Variants in DHRS12 observed in about 807,000 individuals in gnomAD.
The protein encoded by DHRS12 is dehydrogenase/reductase 12.
In DHRS12, 29 loss-of-function variants were observed where a neutral mutation model predicts 32.1. That is an observed-to-expected ratio of 0.90 (90% CI 0.67 to 1.23). DHRS12 has a LOEUF of 1.23. Among genes scored for constraint, DHRS12 ranks in the 50% most tolerant of loss-of-function variants. The pLI is 0.00. For missense variants in DHRS12, 330 were observed against 337.2 expected (o/e 0.98, Z 0.17); for synonymous variants, 150 against 135.9 (o/e 1.10, Z -0.72).
Position 51,777,048 on chromosome 13 carries a change from A to T in DHRS12, c.363+12T>A. On this transcript the variant is annotated intron_variant, in intron 5 of 8. Coordinates refer to ENST00000444610, the MANE Select transcript of DHRS12 (RefSeq NM_001377533.1). Reference sequence around the variant, plus strand: ...TCCATTATCCTCAAAACATCCCATAAGGTCAACTCACCACTCGGGGGTCGT... The same window carrying T: ...TCCATTATCCTCAAAACATCCCATATGGTCAACTCACCACTCGGGGGTCGT... 2.5e-6 allele frequency: 4 copies of T among 1,614,090 alleles called. No homozygotes were observed. Among genetic ancestry groups the T allele is most frequent in the Non-Finnish European group, 3.4e-6 (4 of 1,180,006 alleles).
intron 6 of DHRS12, chr13:51,772,723 A>C: frequency 1.0e-6 from 1 of 985,440 alleles, no homozygotes; most frequent in Non-Finnish European, 1.2e-6. Flanking sequence ...GCCCCATCCC[A>C]GGGTAGTTTG....
downstream of DHRS12, chr13:51,767,633 C>G (rs775854845): frequency 4.6e-5 from 7 of 153,600 alleles, no homozygotes; most frequent in African/African-American, 1.7e-4. Context: ...TACCAGAATG[C>G]CAGATGCATT....
At chr13:51,797,581 G>A (rs1200891985) in intron 2 of DHRS12, among the ~76,000 whole-genome samples, 1 of 152,190 alleles carries the variant, frequency 6.6e-6, no homozygotes, top group African/African-American at 2.4e-5. Flanking sequence ...TCTGCCTGCT[G>A]GCCTCTGCTG....
intron 4 of DHRS12, among the ~76,000 whole-genome samples, chr13:51,781,945 C>T (rs1954731882): frequency 6.6e-6 from 1 of 152,142 alleles, no homozygotes; most frequent in Non-Finnish European, 1.5e-5. Context: ...CACTACATCA[C>T]AGTGACTGCA....
intron 4 of DHRS12, among the ~76,000 whole-genome samples, chr13:51,780,178 AAAAT>A (rs57632376): frequency 1.1e-3 from 161 of 151,140 alleles, no homozygotes; most frequent in East Asian, 8.9e-3. Context: ...TTCCATCTCA[AAAAT>A]AAATAAATAA....
At chr13:51,803,893 T>G in intron 1 of DHRS12, 161 bp downstream of exon 1, 2 of 546,054 alleles carry the variant, frequency 3.7e-6, no homozygotes, top group Non-Finnish European at 5.5e-6. Flanking sequence ...CGCCCAGCCG[T>G]GGGTCGCTAG....
In DHRS12 at chr13:51,782,840, G is replaced by A. The variant is rs1179218319; in HGVS notation, c.302-5719C>T. ...TGTTTCTAAAACTCCTCAAATGAAT[G>A]TTTGTTACCAGCACACCTTTAAAAC... On this transcript the variant is annotated intron_variant, in intron 4 of 8. Transcript: ENST00000444610. This position sits in a 1 kb window ranked among gnomAD's most constrained non-coding sequence, Gnocchi z 4.2. Among the ~76,000 whole-genome samples, 3 of 152,188 alleles carry A rather than the reference G, an allele frequency of 2.0e-5. No individual in the cohort carries two copies. The highest frequency in any genetic ancestry group is 4.8e-5 in the African/African-American group (2 of 41,446).
intron 4 of DHRS12, among the ~76,000 whole-genome samples, chr13:51,787,935 A>T (rs868142231): frequency 4.0e-3 from 63 of 15,762 alleles, no homozygotes; most frequent in Non-Finnish European, 0.011. Context: ...ATATACTTAT[A>T]TATATAATTA....
chr13:51,798,078 G>A lies in DHRS12; in HGVS notation c.126+1456C>T, dbSNP rs955048150. On this transcript the variant is annotated intron_variant, in intron 2 of 8. Coordinates refer to ENST00000444610, the MANE Select transcript of DHRS12 (RefSeq NM_001377533.1). ...CAAGGGCGATGGTGAGGGAGGTGCT[G>A]GAACCTTATTGCCTACCTGTGCTGA... Among the ~76,000 whole-genome samples the A allele has an allele frequency of 4.6e-5, 7 of 152,154 alleles. 1 individual carries two copies. Among genetic ancestry groups the A allele is most frequent in the Admixed American group, 4.6e-4 (7 of 15,286 alleles).
intron 4 of DHRS12, among the ~76,000 whole-genome samples, chr13:51,784,676 A>G (rs1954871051): frequency 1.3e-5 from 2 of 152,230 alleles, no homozygotes. Flanking sequence ...TAGCTCAGGT[A>G]AAGGTTATTG....
rs1953832362 is a variant in DHRS12, at chr13:51,768,103, G to T, written c.*84C>A. 6.6e-7 allele frequency: 1 copy of T among 1,508,512 alleles called. No homozygotes were observed. Among genetic ancestry groups the T allele is most frequent in the African/African-American group, 1.4e-5 (1 of 69,268 alleles). The allele number at this position is 1,508,512 out of a possible 1,614,324, so 93.4% of individuals were successfully genotyped here. Reference sequence around the variant, plus strand: ...ACGTCTTCGAGGGGAAGTTGAAGTGGGGTCTTCTTATTCACTGGTCCCTAG... The same window carrying T: ...ACGTCTTCGAGGGGAAGTTGAAGTGTGGTCTTCTTATTCACTGGTCCCTAG... On this transcript the variant is annotated 3_prime_UTR_variant, in exon 9 of 9. Coordinates refer to ENST00000444610, the MANE Select transcript of DHRS12 (RefSeq NM_001377533.1).
intron 4 of DHRS12, among the ~76,000 whole-genome samples, chr13:51,780,996 G>A (rs1412096032): frequency 2.6e-5 from 4 of 152,184 alleles, no homozygotes; most frequent in African/African-American, 9.7e-5. Context: ...TTCCATCCAC[G>A]CTACTATCTG....
chr13:51,795,909 C>T (rs1248804726), intron 2 of DHRS12, among the ~76,000 whole-genome samples: 2 of 152,124 alleles, frequency 1.3e-5, no homozygotes, highest in Non-Finnish European at 2.9e-5. Flanking sequence ...CAGAGCATGG[C>T]GGCCAGGCCC....
At chr13:51,787,795 AAT>A (rs1388056600) in intron 4 of DHRS12, among the ~76,000 whole-genome samples, 2 of 15,882 alleles carry the variant, frequency 1.3e-4, no homozygotes, top group South Asian at 1.8e-3. Context: ...ATAATATATT[AAT>A]ATATATTTAT....
chr13:51,787,920 AT>A (rs1955064219), intron 4 of DHRS12, among the ~76,000 whole-genome samples: 2 of 69,140 alleles, frequency 2.9e-5, no homozygotes, highest in Admixed American at 1.6e-4. Context: ...ATAATTATAT[AT>A]AATATATACT....
chr13:51,801,918 T>C (rs1235264474), intron 1 of DHRS12, among the ~76,000 whole-genome samples: 1 of 152,166 alleles, frequency 6.6e-6, no homozygotes, highest in African/African-American at 2.4e-5. Flanking sequence ...TTGCTGAGGC[T>C]GGCTCCTCTG....
the DHRS12 span, chr13:51,758,206 C>T: frequency 1.3e-6 from 2 of 1,576,446 alleles, no homozygotes; most frequent in South Asian, 1.1e-5. Flanking sequence ...GCACCCACAG[C>T]CACCTTCCAT....
At chr13:51,803,731 G>A in intron 1 of DHRS12, 1 of 237,230 alleles carries the variant, frequency 4.2e-6, no homozygotes, top group Non-Finnish European at 8.1e-6. Flanking sequence ...CACACCCAGC[G>A]GGGCGCCGAG....
rs1423000627 is a variant in DHRS12 at position 51,773,280 on chromosome 13, G to A, written c.468+650C>T. ...CAAAATTCATTTATGTGTCATATAC[G>A]CCTTTACAAATAGCCTGAAGGGGAT... On this transcript the variant is annotated intron_variant, in intron 6 of 8. Coordinates refer to ENST00000444610, the MANE Select transcript of DHRS12 (RefSeq NM_001377533.1). Among the ~76,000 whole-genome samples the A allele has an allele frequency of 3.9e-5, 6 of 152,246 alleles. No individual in the cohort carries two copies. In the East Asian group the frequency reaches 9.6e-4, roughly 24 times the overall value.
Sources: allele counts gnomAD v4.1 joint callset (sites outside exome capture counted in the v4.1 genomes callset), GRCh38; gene constraint gnomAD v4.1.1; non-coding constraint Gnocchi (gnomAD v3.1); transcripts MANE v1.5; gene names NCBI Gene and HGNC (gene_info 2026-07-23, HGNC 2026-07-21).